The following ARHGAP24 variants were observed in gnomAD, a reference collection of about 807,000 sequenced individuals.
ARHGAP24 encodes the protein Rho GTPase activating protein 24, also known as rho GTPase-activating protein 24.
Under a neutral mutation model 76.4 loss-of-function variants are expected in ARHGAP24, and 50 were observed. The ratio of observed to expected loss-of-function variants is 0.65; its 90% confidence interval spans 0.52 to 0.83. The LOEUF is 0.83. Ranked by LOEUF, ARHGAP24 falls within the 40% of genes least tolerant of loss-of-function variation. The probability of loss-of-function intolerance (pLI) is 0.00; values close to 1 mark genes in which losing one functional copy is unlikely to be tolerated. For missense variants in ARHGAP24, 930 were observed against 914.2 expected, an observed-to-expected ratio of 1.02 and a Z score of -0.22; for synonymous variants, 345 against 323.3, an observed-to-expected ratio of 1.07 and a Z score of -0.72.
intron 3 of ARHGAP24, among the ~76,000 whole-genome samples, chr4:85,774,163 G>A (rs1036329692): frequency 6.6e-6 from 1 of 152,186 alleles, no homozygotes; most frequent in African/African-American, 2.4e-5. Context: ...TACTTGAAGT[G>A]TAGTGAGCCA....
chr4:85,483,324 C>A (rs1422647816), intron 1 of ARHGAP24, among the ~76,000 whole-genome samples: 1 of 152,000 alleles, frequency 6.6e-6, no homozygotes, highest in South Asian at 2.1e-4. Flanking sequence ...GAAAAAAAAA[C>A]TCAGTGTTCA....
At position 85,545,943 on chromosome 4, in the gene ARHGAP24, C is replaced by T. The variant is rs1250886284; in HGVS notation, c.-20-24579C>T. On this transcript the variant is annotated intron_variant, in intron 1 of 9. Transcript: ENST00000395184. ...TTACATTTACATAATATTTGAGAGGCAATATAAAGTAGTAGTTAAGAATAT... is the reference window on the plus strand; with the variant it reads ...TTACATTTACATAATATTTGAGAGGTAATATAAAGTAGTAGTTAAGAATAT... Among the ~76,000 whole-genome samples the T allele has an allele frequency of 2.0e-5, 3 of 152,068 alleles. No individual in the cohort carries two copies. In the East Asian group the frequency reaches 5.8e-4, roughly 29 times the overall value.
intron 1 of ARHGAP24, 128 bp from the exon 2 acceptor site, chr4:85,570,376 TTCTTTCTTTCTTTCTTTC>T: frequency 2.3e-4 from 2 of 8,812 alleles, no homozygotes; most frequent in Non-Finnish European, 2.3e-4. Flanking sequence ...CTTTCTTTCT[TTCTTTCTTTCTTTCTTTC>T]TTTCTTTCTT....
In ARHGAP24 at chr4:85,995,385, C is replaced by G. The variant is rs761476114; in HGVS notation, c.1731C>G (p.Thr577=). 2 of 1,613,736 alleles carry G rather than the reference C, an allele frequency of 1.2e-6. No individual in the cohort carries two copies. Among genetic ancestry groups the G allele is most frequent in the African/African-American group, 2.7e-5 (2 of 74,898 alleles). The change falls in exon 9 of 10, where the codon ACC becomes ACG. Residue 577 remains threonine, a synonymous_variant. Transcript: ENST00000395184. ...NSNSCRSSTT[T]CPEQDFFGGN... The stretch of plus-strand genomic sequence containing the variant: ...ACTCCTGTCGCTCTTCTACCACCAC[C>G]TGCCCAGAGCAAGACTTTTTTGGGG...
intron 2 of ARHGAP24, among the ~76,000 whole-genome samples, chr4:85,627,766 C>A (rs1479126846): frequency 6.6e-6 from 1 of 152,236 alleles, no homozygotes; most frequent in East Asian, 1.9e-4. Context: ...AAACAACTAA[C>A]TGGGCCATGG....
intron 1 of ARHGAP24, among the ~76,000 whole-genome samples, chr4:85,485,981 C>A (rs1184399924): frequency 2.0e-5 from 3 of 152,086 alleles, no homozygotes; most frequent in Admixed American, 2.0e-4. Context: ...TCAAGTGCTC[C>A]ACTCACCTCG....
rs1013188154 is a variant in ARHGAP24 at position 85,596,699 on chromosome 4, A to G, written c.180+25978A>G. 3.3e-5 allele frequency among the ~76,000 whole-genome samples: 5 copies of G among 152,092 alleles called. 1 individual carries two copies. Among genetic ancestry groups the G allele is most frequent in the Admixed American group, 3.3e-4 (5 of 15,234 alleles). On this transcript the variant is annotated intron_variant, in intron 2 of 9. Coordinates refer to ENST00000395184, the MANE Select transcript of ARHGAP24 (RefSeq NM_001025616.3). ...TCCTGCATACTCTTCTGAAATACAA[A>G]TGGAATAATATTTGTATATAAAACA...
intron 2 of ARHGAP24, among the ~76,000 whole-genome samples, chr4:85,608,555 T>G (rs1400507220): frequency 7.8e-5 from 2 of 25,484 alleles, no homozygotes; most frequent in African/African-American, 3.5e-4. Context: ...TTGGTTGTTT[T>G]TTTTTTTTTT....
intron 1 of ARHGAP24, among the ~76,000 whole-genome samples, chr4:85,516,502 A>G (rs1055270430): frequency 1.3e-5 from 2 of 152,150 alleles, no homozygotes; most frequent in Non-Finnish European, 2.9e-5. Flanking sequence ...ATGTTAAGTG[A>G]GGACTTACTG....
In ARHGAP24 at chr4:85,782,921, G is replaced by A. The variant is rs148255307; in HGVS notation, c.268+60949G>A. Among the ~76,000 whole-genome samples the A allele has an allele frequency of 5.3e-3, 801 of 152,120 alleles. 5 individuals carry two copies. Among genetic ancestry groups the A allele is most frequent in the African/African-American group, 0.018 (765 of 41,508 alleles). ...TCAAACCTTAATTTAAAAAGACATC[G>A]ACAAATAAAATGATGTTAAAACTGC... On this transcript the variant is annotated intron_variant, in intron 3 of 9. Coordinates refer to ENST00000395184, the MANE Select transcript of ARHGAP24 (RefSeq NM_001025616.3).
intron 2 of ARHGAP24, among the ~76,000 whole-genome samples, chr4:85,610,449 T>TCCA (rs1382650514): frequency 3.0e-5 from 1 of 33,074 alleles, no homozygotes; most frequent in Non-Finnish European, 4.8e-5. Context: ...AGACTCCATC[T>TCCA]ACAAAAAAAA....
chr4:85,779,326 T>G (rs1020700116), intron 3 of ARHGAP24, among the ~76,000 whole-genome samples: 17 of 152,168 alleles, frequency 1.1e-4, no homozygotes, highest in Non-Finnish European at 1.9e-4. Context: ...AGAATGTTCT[T>G]GACTGGGCAG....
At chr4:85,838,384 T>C (rs1196290300) in intron 3 of ARHGAP24, among the ~76,000 whole-genome samples, 1 of 152,072 alleles carries the variant, frequency 6.6e-6, no homozygotes. Flanking sequence ...GATCACGAGG[T>C]CAGGGGATCA....
intron 4 of ARHGAP24, among the ~76,000 whole-genome samples, chr4:85,937,177 G>A (rs943952515): frequency 6.6e-6 from 1 of 152,178 alleles, no homozygotes; most frequent in African/African-American, 2.4e-5. Context: ...AAGAAATACT[G>A]AATATCTAAT....
At chr4:85,569,033 C>G (rs2109962355) in intron 1 of ARHGAP24, among the ~76,000 whole-genome samples, 1 of 152,122 alleles carries the variant, frequency 6.6e-6, no homozygotes, top group East Asian at 1.9e-4. Context: ...AAGATTTGAC[C>G]CTGAGCCTTC....
At chr4:85,771,524 C>G (rs1490039264) in intron 3 of ARHGAP24, among the ~76,000 whole-genome samples, 4 of 152,232 alleles carry the variant, frequency 2.6e-5, no homozygotes, top group Non-Finnish European at 5.9e-5. Context: ...AGGCTAACGA[C>G]TTCTGGAAAC....
chr4:85,686,018 G>T (rs1356260975), intron 2 of ARHGAP24, among the ~76,000 whole-genome samples: 1 of 152,184 alleles, frequency 6.6e-6, no homozygotes, highest in African/African-American at 2.4e-5. Flanking sequence ...GCTGTGCTTG[G>T]TCTCAGTTGC....
intron 3 of ARHGAP24, among the ~76,000 whole-genome samples, chr4:85,921,446 C>A (rs1735715998): frequency 6.6e-6 from 1 of 151,854 alleles, no homozygotes; most frequent in Admixed American, 6.6e-5. Context: ...GGCTTAGTAC[C>A]TGGGTGATGA....
chr4:85,509,075 C>A (rs958241084), intron 1 of ARHGAP24, among the ~76,000 whole-genome samples: 2 of 151,512 alleles, frequency 1.3e-5, no homozygotes, highest in Non-Finnish European at 2.9e-5. Context: ...ATTCTAATTT[C>A]TCAGTAAACT....
Sources: allele counts gnomAD v4.1 joint callset (sites outside exome capture counted in the v4.1 genomes callset), GRCh38; gene constraint gnomAD v4.1.1; transcripts MANE v1.5; gene names NCBI Gene and HGNC (gene_info 2026-07-23, HGNC 2026-07-21).